PTPRA: variants seen among roughly 807,000 people sequenced by gnomAD.
The protein encoded by PTPRA is protein tyrosine phosphatase receptor type A.
Under a neutral mutation model 104.8 loss-of-function variants are expected in PTPRA, and 25 were observed. The ratio of observed to expected loss-of-function variants is 0.24; its 90% CI spans 0.17 to 0.33. The LOEUF (loss-of-function observed/expected upper bound fraction) is 0.33. Ranked by LOEUF, PTPRA falls within the 10% of genes least tolerant of loss-of-function variation. The pLI is 1.00. For synonymous variants in PTPRA, 323 were observed against 368.9 expected, an observed-to-expected ratio of 0.88 and a Z score of 1.43; for missense variants, 765 against 1,015.3, an observed-to-expected ratio of 0.75 and a Z score of 3.35.
At chr20:2,900,772 G>A (rs111279717) in intron 1 of PTPRA, among the ~76,000 whole-genome samples, 1,758 of 150,538 alleles carry the variant, frequency 0.012, 23 homozygotes, top group Non-Finnish European at 0.015. Flanking sequence ...CAGGAGAATT[G>A]CTTGAACTCA....
intron 12 of PTPRA, 89 bp downstream of exon 12, chr20:3,015,974 C>G (rs1187599645): frequency 7.9e-7 from 1 of 1,269,828 alleles, no homozygotes; most frequent in African/African-American, 1.5e-5. Flanking sequence ...AGTGGATTAA[C>G]CAGAATGCTG....
chr20:2,896,418 A>C (rs2059003313), intron 1 of PTPRA, among the ~76,000 whole-genome samples: 1 of 152,150 alleles, frequency 6.6e-6, no homozygotes, highest in Non-Finnish European at 1.5e-5. Flanking sequence ...ACACACACGC[A>C]AAGAATACGG....
In PTPRA at chr20:2,873,825, G is replaced by A. The variant is rs1320535262; in HGVS notation, c.-129+65G>A. On this transcript the variant is annotated intron_variant, in intron 1 of 23. Transcript: ENST00000399903. The surrounding 1 kb of genome is among the most constrained non-coding windows in gnomAD (Gnocchi z 4.4). ...AGGGGGAGCGGCTCCCGGGGGCGGT[G>A]GGAGGGGTCCCGGGCCACAGCCCAG... The A allele has an allele frequency of 6.6e-6, 1 of 152,196 alleles. No individual in the cohort carries two copies. The highest frequency in any genetic ancestry group is 1.5e-5 in the Non-Finnish European group (1 of 68,050). The allele number at this position is 152,196 out of a possible 1,614,324, so 9.4% of individuals were successfully genotyped here. A position where few individuals can be genotyped will look rare whatever the true frequency, so the allele number is the denominator to read the frequency against.
chr20:2,885,892 C>T (rs1412859071), intron 1 of PTPRA, among the ~76,000 whole-genome samples: 1 of 152,064 alleles, frequency 6.6e-6, no homozygotes, highest in Non-Finnish European at 1.5e-5. Context: ...GGTGAAACCC[C>T]GTCTCTACTA....
rs952641899 is a variant in PTPRA at position 3,035,995 on chromosome 20, G to A, written c.2198+54G>A. On this transcript the variant is annotated intron_variant, in intron 22 of 23. Transcript: ENST00000399903. This position sits in a 1 kb window ranked among gnomAD's most constrained non-coding sequence, Gnocchi z 5.8. ...GAGAGAAAGCGAGGAGGGGCAGATA[G>A]GGGAAGCTGATGACCATGGGTCAGA... 1 of 1,609,810 alleles carries A rather than the reference G, an allele frequency of 6.2e-7. No homozygotes were observed. Among genetic ancestry groups the A allele is most frequent in the Non-Finnish European group, 8.5e-7 (1 of 1,178,408 alleles).
intron 3 of PTPRA, chr20:2,955,747 G>A (rs557518799): frequency 2.4e-6 from 2 of 850,498 alleles, no homozygotes; most frequent in African/African-American, 3.7e-5. Context: ...CCTGCCTACT[G>A]TGTTTCTCAG....
At chr20:2,989,422 A>G (rs2063053698) in intron 9 of PTPRA, among the ~76,000 whole-genome samples, 1 of 152,060 alleles carries the variant, frequency 6.6e-6, no homozygotes, top group Non-Finnish European at 1.5e-5. Flanking sequence ...ACAGAGCGAG[A>G]CTCCATCTCA....
At chr20:3,036,203 C>T (rs926884072) in intron 22 of PTPRA, among the ~76,000 whole-genome samples, 10 of 152,084 alleles carry the variant, frequency 6.6e-5, no homozygotes, top group Admixed American at 3.9e-4. Flanking sequence ...GTGGAGACCC[C>T]GGTTGTGCTA....
intron 1 of PTPRA, among the ~76,000 whole-genome samples, chr20:2,909,749 A>G (rs1192261993): frequency 7.1e-6 from 1 of 140,738 alleles, no homozygotes; most frequent in African/African-American, 2.6e-5. Flanking sequence ...TATATTATAT[A>G]TTACATAATA....
At chr20:2,977,362 G>GA (rs1319340816) in intron 6 of PTPRA, among the ~76,000 whole-genome samples, 4 of 151,098 alleles carry the variant, frequency 2.6e-5, no homozygotes, top group Non-Finnish European at 4.4e-5. Flanking sequence ...CTTAAGTCTA[G>GA]AAAGAGTTGA....
Position 2,944,026 on chromosome 20 carries a change from T to G in PTPRA, c.-49-3956T>G, listed in dbSNP as rs567012008. Among the ~76,000 whole-genome samples, 4 of 151,594 alleles carry G rather than the reference T, an allele frequency of 2.6e-5. No individual in the cohort carries two copies. The South Asian group carries it at 8.3e-4, about 32-fold the overall frequency. On this transcript the variant is annotated intron_variant, in intron 2 of 23. Coordinates refer to ENST00000399903, the MANE Select transcript of PTPRA (RefSeq NM_001385305.1). ...CAATCAATGCTGGGTAGCTGTTTGG[T>G]TCCTCTACTGGTCTTTTTTTTTTTT...
intron 11 of PTPRA, among the ~76,000 whole-genome samples, chr20:3,014,456 G>A (rs567713387): frequency 6.6e-6 from 1 of 152,222 alleles, no homozygotes; most frequent in East Asian, 1.9e-4. Flanking sequence ...TGGCCAACAT[G>A]GTGAAACCCC....
chr20:2,945,902 C>G (rs1198822454), intron 2 of PTPRA, among the ~76,000 whole-genome samples: 1 of 151,584 alleles, frequency 6.6e-6, no homozygotes, highest in Non-Finnish European at 1.5e-5. Context: ...GTAATCCAGC[C>G]TGGGTGACAG....
At chr20:2,967,308 G>A (rs553405541) in intron 5 of PTPRA, among the ~76,000 whole-genome samples, 11 of 152,176 alleles carry the variant, frequency 7.2e-5, no homozygotes, top group African/African-American at 2.4e-4. Flanking sequence ...CTCTAGTGGC[G>A]TTTATTCAAG....
intron 1 of PTPRA, among the ~76,000 whole-genome samples, chr20:2,902,903 C>G (rs1183688073): frequency 6.6e-6 from 1 of 152,088 alleles, no homozygotes; most frequent in Non-Finnish European, 1.5e-5. Flanking sequence ...TATTATGACT[C>G]CATAATATTT....
At chr20:2,880,640 A>G (rs1372351046) in intron 1 of PTPRA, among the ~76,000 whole-genome samples, 2 of 152,190 alleles carry the variant, frequency 1.3e-5, no homozygotes, top group Non-Finnish European at 2.9e-5. Flanking sequence ...GCTCTTACTA[A>G]ATTGGAAAGT....
At chr20:2,865,262 G>A in the PTPRA span, 13 of 1,614,110 alleles carry the variant, frequency 8.1e-6, no homozygotes, top group Middle Eastern at 1.6e-4. The surrounding 1 kb of genome is among the most constrained non-coding windows in gnomAD (Gnocchi z 5.2). Context: ...CATTCTTGGC[G>A]GTCACAACAA....
intron 2 of PTPRA, among the ~76,000 whole-genome samples, chr20:2,931,344 G>C (rs1033097906): frequency 2.0e-5 from 3 of 152,200 alleles, no homozygotes; most frequent in African/African-American, 7.2e-5. Context: ...CGGAGAGTCT[G>C]AGACAGTGGT....
At chr20:2,946,062 G>C (rs1195124984) in intron 2 of PTPRA, among the ~76,000 whole-genome samples, 1 of 151,914 alleles carries the variant, frequency 6.6e-6, no homozygotes, top group African/African-American at 2.4e-5. Flanking sequence ...TGAATATTTG[G>C]ACTACACAGG....
Sources: allele counts gnomAD v4.1 joint callset (sites outside exome capture counted in the v4.1 genomes callset), GRCh38; gene constraint gnomAD v4.1.1; non-coding constraint Gnocchi (gnomAD v3.1); transcripts MANE v1.5; gene names NCBI Gene and HGNC (gene_info 2026-07-23, HGNC 2026-07-21).